The following SHPRH variants were observed in gnomAD, a reference collection of about 807,000 sequenced individuals.
SHPRH encodes the protein E3 ubiquitin-protein ligase SHPRH.
Under a neutral mutation model 202.5 loss-of-function variants are expected in SHPRH, and 106 were observed. That is an observed-to-expected ratio of 0.52 (90% CI 0.45 to 0.62). SHPRH has a LOEUF of 0.62. SHPRH is among the 20% of genes least tolerant of loss of function. The probability of loss-of-function intolerance (pLI) is 0.00; values close to 1 mark genes in which losing one functional copy is unlikely to be tolerated. For synonymous variants in SHPRH, 729 were observed against 686.0 expected (o/e 1.06, Z -0.98); for missense variants, 1,710 against 2,020.0 (o/e 0.85, Z 2.94).
rs1303857866 is a variant in SHPRH, at chr6:145,962,237, A to T, written c.-33+1494T>A. ...CTCTCTCCTCGATCCCAACTGCTAG[A>T]GTGTTCACTTTGAAAGATGGGCAGG... On this transcript the variant is annotated intron_variant, in intron 1 of 29. Transcript: ENST00000275233. 7.9e-5 allele frequency among the ~76,000 whole-genome samples: 12 copies of T among 152,310 alleles called. No individual in the cohort carries two copies. The South Asian group carries it at 2.3e-3, about 29-fold the overall frequency.
chr6:145,924,263 C>A (rs1461865111), intron 17 of SHPRH, among the ~76,000 whole-genome samples: 2 of 148,268 alleles, frequency 1.3e-5, no homozygotes, highest in African/African-American at 4.9e-5. Flanking sequence ...CAAAAATTTG[C>A]AACACCTGAT....
chr6:145,940,896 AG>A, intron 10 of SHPRH, 95 bp from the exon 11 acceptor site: 1 of 1,200,496 alleles, frequency 8.3e-7, no homozygotes, highest in Admixed American at 1.9e-5. Context: ...GCCCATTAAA[AG>A]CTACACTTCT....
intron 25 of SHPRH, among the ~76,000 whole-genome samples, chr6:145,897,727 G>A (rs551760956): frequency 5.3e-5 from 8 of 152,074 alleles, no homozygotes; most frequent in African/African-American, 1.2e-4. Context: ...ATGGTTTAAC[G>A]TATGCAAACC....
intron 1 of SHPRH, among the ~76,000 whole-genome samples, 189 bp from the exon 2 acceptor site, chr6:145,955,543 C>T (rs909583140): frequency 2.0e-5 from 3 of 152,092 alleles, no homozygotes; most frequent in Non-Finnish European, 1.5e-5. Flanking sequence ...TAACCATAAT[C>T]TCATTTATCA....
At chr6:145,919,168 T>C in intron 22 of SHPRH, 180 bp downstream of exon 22, 1 of 718,016 alleles carries the variant, frequency 1.4e-6, no homozygotes, top group Non-Finnish European at 2.2e-6. Flanking sequence ...AGATATGAAA[T>C]TGCTCATCTT....
chr6:145,933,820 T>G (rs1376963898), intron 13 of SHPRH, among the ~76,000 whole-genome samples: 1 of 152,186 alleles, frequency 6.6e-6, no homozygotes, highest in Non-Finnish European at 1.5e-5. Context: ...GCAGTCTGAT[T>G]CACAAAAACT....
At chr6:145,861,049 A>G (rs749413873), downstream of SHPRH, among the ~76,000 whole-genome samples, 6 of 152,226 alleles carry the variant, frequency 3.9e-5, no homozygotes, top group Non-Finnish European at 7.4e-5. Flanking sequence ...TAGAGGAAAA[A>G]GTTTGCAGAC....
At chr6:145,957,638 C>T (rs1333131867) in intron 1 of SHPRH, among the ~76,000 whole-genome samples, 1 of 152,040 alleles carries the variant, frequency 6.6e-6, no homozygotes, top group African/African-American at 2.4e-5. Context: ...ACAAATTCAA[C>T]CCACAAATCA....
chr6:145,922,243 T>C (rs748936207), intron 20 of SHPRH, 43 bp downstream of exon 20: 1 of 1,548,590 alleles, frequency 6.5e-7, no homozygotes. Context: ...TCTTGCAAAA[T>C]GTTTCATTTT....
Position 145,918,127 on chromosome 6 carries a change from A to G in SHPRH, c.4254+4T>C. 1.2e-6 allele frequency: 2 copies of G among 1,604,554 alleles called. No homozygotes were observed. The highest frequency in any genetic ancestry group is 8.5e-7 in the Non-Finnish European group (1 of 1,175,092). On this transcript the variant is annotated splice_donor_region_variant and intron_variant, in intron 23 of 29. Coordinates refer to ENST00000275233, the MANE Select transcript of SHPRH (RefSeq NM_001042683.3). ...GAAAAAGTAGCATGTCTTAGAAACA[A>G]TACCTTCTCCAAATTAGTTAGGTAA...
intron 2 of SHPRH, among the ~76,000 whole-genome samples, chr6:145,954,166 A>G (rs6570733): frequency 1 from 151,946 of 151,946 alleles, 75,973 homozygotes; most frequent in Non-Finnish European, 1. Flanking sequence ...AACTATAAGA[A>G]CAAAAGCAAA....
chr6:145,962,619 A>AT (rs1267030262), intron 1 of SHPRH, among the ~76,000 whole-genome samples: 1 of 152,194 alleles, frequency 6.6e-6, no homozygotes, highest in African/African-American at 2.4e-5. Context: ...TTAAATTCAC[A>AT]TTTTTTCCCT....
At chr6:145,887,965 C>A in intron 29 of SHPRH, 55 bp downstream of exon 29, 1 of 1,369,210 alleles carries the variant, frequency 7.3e-7, no homozygotes, top group Non-Finnish European at 1.0e-6. Flanking sequence ...TCTAAAGATA[C>A]AAACTTTTAA....
intron 6 of SHPRH, 32 bp downstream of exon 6, chr6:145,947,461 C>A (rs1175197555): frequency 6.2e-7 from 1 of 1,603,874 alleles, no homozygotes; most frequent in South Asian, 1.1e-5. Context: ...CATATGTCCC[C>A]TGCTTTTGCA....
At chr6:145,875,300 T>C (rs1327851542) in intron 2 of SHPRH, among the ~76,000 whole-genome samples, 1 of 152,128 alleles carries the variant, frequency 6.6e-6, no homozygotes, top group Non-Finnish European at 1.5e-5. Flanking sequence ...ATCTAATGGG[T>C]AGAGGCCAGG....
At chr6:145,943,038 CAGTT>C in intron 9 of SHPRH, 101 bp downstream of exon 9, 2 of 1,291,792 alleles carry the variant, frequency 1.5e-6, no homozygotes, top group Non-Finnish European at 2.1e-6. Context: ...TTAAATCATT[CAGTT>C]AGTTTTGAGG....
chr6:145,914,737 G>A (rs1227391654), intron 23 of SHPRH, among the ~76,000 whole-genome samples: 1 of 152,200 alleles, frequency 6.6e-6, no homozygotes, highest in African/African-American at 2.4e-5. Context: ...GGGTTATTCA[G>A]AAGTATCCTG....
downstream of SHPRH, among the ~76,000 whole-genome samples, chr6:145,862,184 G>A (rs747486140): frequency 5.9e-5 from 9 of 152,066 alleles, no homozygotes; most frequent in Non-Finnish European, 1.0e-4. Flanking sequence ...AAAGAAGGCC[G>A]GGCACGGTGG....
chr6:145,861,398 T>A (rs996988568), downstream of SHPRH, among the ~76,000 whole-genome samples: 2 of 151,356 alleles, frequency 1.3e-5, no homozygotes, highest in Admixed American at 1.3e-4. Context: ...CAGTGAGATA[T>A]CACCTCATAC....
Sources: allele counts gnomAD v4.1 joint callset (sites outside exome capture counted in the v4.1 genomes callset), GRCh38; gene constraint gnomAD v4.1.1; transcripts MANE v1.5; gene names NCBI Gene and HGNC (gene_info 2026-07-23, HGNC 2026-07-21).